The following ESR1 variants were observed in gnomAD, a reference collection of about 807,000 sequenced individuals.
ESR1 encodes estrogen receptor.
ESR1 carries 12 observed loss-of-function variants against 52.7 expected under a neutral mutation model. The ratio of observed to expected loss-of-function variants is 0.23; its 90% CI spans 0.15 to 0.37. The LOEUF is 0.37. Ranked by LOEUF, ESR1 falls within the 10% of genes least tolerant of loss-of-function variation. The pLI, the probability that ESR1 is intolerant of heterozygous loss-of-function variation, is 1.00. For missense variants in ESR1, 584 were observed against 779.7 expected (o/e 0.75, Z 2.99); for synonymous variants, 305 against 316.8 (o/e 0.96, Z 0.39).
chr6:151,870,566 C>T (rs1790766512), intron 2 of ESR1, among the ~76,000 whole-genome samples: 1 of 152,214 alleles, frequency 6.6e-6, no homozygotes, highest in African/African-American at 2.4e-5. Context: ...TTGCCATCTG[C>T]TAGCCAAGAG....
intron 4 of ESR1, among the ~76,000 whole-genome samples, chr6:151,967,492 T>C (rs1168625163): frequency 6.6e-6 from 1 of 152,192 alleles, no homozygotes; most frequent in Admixed American, 6.5e-5. Context: ...ACTTCATCCA[T>C]GTCCCTGCAA....
At chr6:152,058,182 AT>A in intron 5 of ESR1, among the ~76,000 whole-genome samples, 1 of 151,570 alleles carries the variant, frequency 6.6e-6, no homozygotes, top group East Asian at 2.0e-4. Context: ...ATCCTTGTTT[AT>A]TTTTTCACTA....
chr6:151,829,237 CT>C (rs1442817644), intron 1 of ESR1, among the ~76,000 whole-genome samples: 26 of 152,182 alleles, frequency 1.7e-4, no homozygotes, highest in Admixed American at 3.9e-4. Context: ...TTTACTTTGT[CT>C]TTGATATCTC....
intron 6 of ESR1, chr6:152,122,415 T>G (rs777082182): frequency 6.2e-7 from 1 of 1,613,936 alleles, no homozygotes; most frequent in African/African-American, 1.3e-5. Context: ...CCAGCACTTC[T>G]GCAGATGGCA....
chr6:151,928,490 A>G (rs995949515), intron 3 of ESR1, among the ~76,000 whole-genome samples: 17 of 152,252 alleles, frequency 1.1e-4, no homozygotes, highest in African/African-American at 3.1e-4. Context: ...TACAGTTTCT[A>G]CTGAATGCAT....
intron 2 of ESR1, among the ~76,000 whole-genome samples, chr6:151,777,875 G>A (rs369288021): frequency 1.3e-5 from 2 of 152,202 alleles, no homozygotes; most frequent in East Asian, 1.9e-4. Context: ...CAGGAGAATC[G>A]CTTGAACCCA....
chr6:152,074,670 T>C (rs1176500171), intron 6 of ESR1, among the ~76,000 whole-genome samples: 1 of 152,196 alleles, frequency 6.6e-6, no homozygotes, highest in African/African-American at 2.4e-5. Flanking sequence ...TGCCAAACCA[T>C]CTTCCCAAGT....
intron 2 of ESR1, among the ~76,000 whole-genome samples, chr6:151,764,298 A>C (rs999782634): frequency 6.6e-6 from 1 of 152,208 alleles, no homozygotes; most frequent in African/African-American, 2.4e-5. Context: ...CCTGAGTAAC[A>C]GAAGAATGTG....
intron 2 of ESR1, among the ~76,000 whole-genome samples, chr6:151,703,167 G>A (rs1484176219): frequency 1.3e-5 from 2 of 152,212 alleles, no homozygotes; most frequent in Non-Finnish European, 2.9e-5. Context: ...GTTTGGTGAA[G>A]TATTTCAGGA....
At chr6:151,814,061 G>A (rs552794479) in intron 1 of ESR1, 4 of 152,244 alleles carry the variant, frequency 2.6e-5, no homozygotes, top group South Asian at 4.2e-4. Flanking sequence ...CTTCGGTCCC[G>A]GGCTCATTCT....
chr6:151,968,188 T>G (rs1230008887), intron 4 of ESR1, among the ~76,000 whole-genome samples: 1 of 152,192 alleles, frequency 6.6e-6, no homozygotes, highest in Non-Finnish European at 1.5e-5. Flanking sequence ...CCCTATTTAA[T>G]AAATGGTGTT....
intron 4 of ESR1, among the ~76,000 whole-genome samples, chr6:151,989,231 C>G (rs189001712): frequency 6.6e-6 from 1 of 152,220 alleles, no homozygotes; most frequent in Admixed American, 6.5e-5. Flanking sequence ...GACCCAACAT[C>G]AACAGCATAT....
At chr6:151,995,845 T>G (rs1286947975) in intron 4 of ESR1, among the ~76,000 whole-genome samples, 1 of 152,184 alleles carries the variant, frequency 6.6e-6, no homozygotes, top group Non-Finnish European at 1.5e-5. Context: ...ACTTTATACT[T>G]ACTGATTTCT....
intron 3 of ESR1, among the ~76,000 whole-genome samples, chr6:151,923,566 T>C (rs564812527): frequency 6.6e-6 from 1 of 152,334 alleles, no homozygotes; most frequent in East Asian, 1.9e-4. Context: ...TATCATATAA[T>C]TGAAATCATA....
rs148633135 is a variant in ESR1, at chr6:152,098,471, T to C, written c.1554-261T>C. On this transcript the variant is annotated intron_variant, in intron 7 of 7. Transcript: ENST00000206249. This position sits in a 1 kb window ranked among gnomAD's most constrained non-coding sequence, Gnocchi z 5.1. Reference sequence around the variant, plus strand: ...ACCTGCATAGCAAATACCCTGAAAGTGGCTGCAGGGAGAGTGTGAGGGTGG... The same window carrying C: ...ACCTGCATAGCAAATACCCTGAAAGCGGCTGCAGGGAGAGTGTGAGGGTGG... 4.5e-3 allele frequency among the ~76,000 whole-genome samples: 687 copies of C among 151,942 alleles called. 7 individuals carry two copies. The highest frequency in any genetic ancestry group is 0.015 in the African/African-American group (638 of 41,426).
rs140032865 is a variant in ESR1, at chr6:151,783,535, A to G, written c.-70-24308A>G. Among the ~76,000 whole-genome samples the G allele has an allele frequency of 5.3e-5, 8 of 152,346 alleles. No individual in the cohort carries two copies. In the East Asian group the frequency reaches 1.4e-3, roughly 26 times the overall value. On this transcript the variant is annotated intron_variant, in intron 2 of 2. Transcript: ENST00000404742. Reference sequence around the variant, plus strand: ...ATGTGCCTATTTAGAAAATAACTTCATATTTAATTCTTCACTTTACATAAA... The same window carrying G: ...ATGTGCCTATTTAGAAAATAACTTCGTATTTAATTCTTCACTTTACATAAA...
Position 151,808,170 on chromosome 6 carries a change from T to A in ESR1, c.258T>A (p.Ala86=), listed in dbSNP as rs1222825934. 6.3e-7 allele frequency: 1 copy of A among 1,587,588 alleles called. No individual in the cohort carries two copies. Among genetic ancestry groups the A allele is most frequent in the Admixed American group, 1.8e-5 (1 of 56,350 alleles). Residue 86 remains alanine (A), a synonymous_variant, in exon 1 of 8, where the codon GCT becomes GCA. Coordinates refer to ENST00000206249, the MANE Select transcript of ESR1 (RefSeq NM_000125.4). ...TGLPYGPGSE[A]AAFGSNGLGG... ...TCCCCTACGGCCCCGGGTCTGAGGC[T>A]GCGGCGTTCGGCTCCAACGGCCTGG...
At chr6:151,783,039 T>C (rs969495273) in intron 2 of ESR1, among the ~76,000 whole-genome samples, 22 of 152,260 alleles carry the variant, frequency 1.4e-4, no homozygotes, top group African/African-American at 5.3e-4. Context: ...TATTTAAACG[T>C]ATGGTATATG....
chr6:151,956,821 A>C (rs9479148), intron 4 of ESR1, among the ~76,000 whole-genome samples: 1 of 137,342 alleles, frequency 7.3e-6, no homozygotes, highest in Non-Finnish European at 1.5e-5. Flanking sequence ...AATATATATA[A>C]AAATATATAT....
Sources: gnomAD v4.1 joint callset for allele counts (sites outside exome capture counted in the v4.1 genomes callset) on GRCh38, gnomAD v4.1.1 for gene constraint, Gnocchi (gnomAD v3.1) non-coding constraint, MANE v1.5 for transcripts, NCBI Gene and HGNC (gene_info 2026-07-23, HGNC 2026-07-21) for gene names.